CHD9: variants seen among roughly 807,000 people sequenced by gnomAD.
The protein encoded by CHD9 is ATP-dependent chromatin remodeler CHD9.
CHD9 carries 77 observed loss-of-function variants against 316.1 expected under a neutral mutation model. The observed-to-expected ratio is 0.24, with a 90% confidence interval of 0.20 to 0.29. The LOEUF is 0.29. CHD9 is among the 10% of genes least tolerant of loss of function. CHD9 has a pLI of 1.00. For synonymous variants in CHD9, 1,129 were observed against 1,158.3 expected, an observed-to-expected ratio of 0.97 and a Z score of 0.51; for missense variants, 2,763 against 3,438.1, an observed-to-expected ratio of 0.80 and a Z score of 4.91.
intron 1 of CHD9, among the ~76,000 whole-genome samples, chr16:53,143,358 T>TTTTATTTA (rs55793321): frequency 0.2 from 27,461 of 137,752 alleles, 2,994 homozygotes; most frequent in Admixed American, 0.28. Context: ...TTTTATCTTA[T>TTTTATTTA]TTTATTTATT....
At chr16:53,098,406 G>A (rs11645073) in intron 1 of CHD9, among the ~76,000 whole-genome samples, 42,057 of 150,532 alleles carry the variant, frequency 0.28, 7,311 homozygotes, top group Non-Finnish European at 0.39. Context: ...AACCCAGGAG[G>A]TGGAGGTTGC....
intron 1 of CHD9, among the ~76,000 whole-genome samples, chr16:53,120,536 C>G (rs888413793): frequency 1.3e-5 from 2 of 151,202 alleles, no homozygotes; most frequent in African/African-American, 4.9e-5. Context: ...TCGCTTGAAA[C>G]CGGGAGGCGG....
Position 53,301,805 on chromosome 16 carries a change from G to A in CHD9, c.5714-1915G>A, listed in dbSNP as rs534441121. Among the ~76,000 whole-genome samples, 37 of 131,398 alleles carry A rather than the reference G, an allele frequency of 2.8e-4. No individual in the cohort carries two copies. In the East Asian group the frequency reaches 7.4e-3, roughly 26 times the overall value. The allele number at this position is 131,398 out of a possible 152,430, so 86.2% of individuals were successfully genotyped here. A position where few individuals can be genotyped will look rare whatever the true frequency, so the allele number is the denominator to read the frequency against. ...TTTTGAGATGGAGTCTCGCTCTGTC[G>A]CCCAGGCTGGTATGCAGTGGCGTGA... On this transcript the variant is annotated intron_variant, in intron 30 of 38. Transcript: ENST00000447540.
intron 1 of CHD9, among the ~76,000 whole-genome samples, chr16:53,116,125 T>A (rs2038282054): frequency 6.6e-6 from 1 of 152,156 alleles, no homozygotes; most frequent in African/African-American, 2.4e-5. Flanking sequence ...AGTGGTGCGA[T>A]CTCACCTCAC....
At chr16:53,070,106 T>C (rs1342328303) in intron 1 of CHD9, among the ~76,000 whole-genome samples, 1 of 152,186 alleles carries the variant, frequency 6.6e-6, no homozygotes, top group Non-Finnish European at 1.5e-5. Context: ...CAGGCTGGGT[T>C]GTTTGTTTCT....
intron 1 of CHD9, among the ~76,000 whole-genome samples, chr16:53,098,863 A>G (rs1181098629): frequency 1.1e-4 from 16 of 152,240 alleles, no homozygotes; most frequent in Admixed American, 1.0e-3. Flanking sequence ...GCAGAAATCA[A>G]GAACCGTCGC....
intron 1 of CHD9, among the ~76,000 whole-genome samples, chr16:53,123,404 A>G (rs2152660052): frequency 6.6e-6 from 1 of 152,038 alleles, no homozygotes; most frequent in African/African-American, 2.4e-5. Context: ...CTTTCTGTCT[A>G]CTTTCTTACT....
chr16:53,115,918 G>T (rs548924926), intron 1 of CHD9, among the ~76,000 whole-genome samples: 3 of 152,178 alleles, frequency 2.0e-5, no homozygotes, highest in Non-Finnish European at 4.4e-5. Flanking sequence ...TGTACCTAGA[G>T]CCAGTGGTAA....
At chr16:53,060,515 T>C (rs2032743460) in intron 1 of CHD9, among the ~76,000 whole-genome samples, 1 of 151,920 alleles carries the variant, frequency 6.6e-6, no homozygotes, top group African/African-American at 2.4e-5. Flanking sequence ...TCCAGAACTT[T>C]GGGGGGCTGA....
In CHD9 at chr16:53,209,761, GAC is replaced by G. The variant is rs775012363; in HGVS notation, c.1734_1735del (p.Asp578GlufsTer9). ...GATGAAATCCAAGCCAAAGGACAAA[GAC>G]AGCAAAAAAACAAAAACATGTTCTA... ...RRMKSKPKDK[D>X]SKKTKTCSKL... On this transcript the variant is annotated frameshift_variant, in exon 3 of 39. Transcript: ENST00000447540. LOFTEE classifies it high-confidence loss of function. The G allele has an allele frequency of 6.2e-7, 1 of 1,607,814 alleles. No homozygotes were observed. The highest frequency in any genetic ancestry group is 8.5e-7 in the Non-Finnish European group (1 of 1,177,560).
chr16:53,246,426 G>A (rs993372553), intron 15 of CHD9, among the ~76,000 whole-genome samples: 2 of 152,122 alleles, frequency 1.3e-5, no homozygotes, highest in African/African-American at 2.4e-5. Context: ...TGGATTATCC[G>A]AAGGAAGTAT....
intron 1 of CHD9, among the ~76,000 whole-genome samples, chr16:53,093,096 T>C (rs891318740): frequency 1.3e-5 from 2 of 152,208 alleles, no homozygotes; most frequent in Non-Finnish European, 2.9e-5. Context: ...CACTTTAATA[T>C]TGGATTCTTG....
intron 2 of CHD9, among the ~76,000 whole-genome samples, chr16:53,160,899 T>A (rs1445340118): frequency 6.6e-6 from 1 of 152,070 alleles, no homozygotes; most frequent in African/African-American, 2.4e-5. Context: ...AGAGCAAGAC[T>A]CTGTCTCAAA....
chr16:53,295,418 C>T (rs565773378), intron 29 of CHD9, among the ~76,000 whole-genome samples: 1 of 152,320 alleles, frequency 6.6e-6, no homozygotes, highest in South Asian at 2.1e-4. Context: ...TGAGCCACTG[C>T]ACTCGGCCTC....
chr16:53,247,414 C>T lies in CHD9; in HGVS notation c.3576C>T (p.Pro1192=). Residue 1192 remains proline (P), a synonymous_variant, in exon 16 of 39, where the codon CCC becomes CCT. Transcript: ENST00000447540. The part of the protein sequence containing the change: ...GKLVLIDKLL[P]KMKAGGHKVL... ...TGGTCCTTATTGATAAATTGCTTCC[C>T]AAAATGAAAGCCGGAGGTCATAAAG... 1.2e-6 allele frequency: 2 copies of T among 1,608,636 alleles called. No individual in the cohort carries two copies. The highest frequency in any genetic ancestry group is 1.7e-6 in the Non-Finnish European group (2 of 1,177,188).
chr16:53,188,783 T>C (rs2044249274), intron 2 of CHD9, among the ~76,000 whole-genome samples: 1 of 151,506 alleles, frequency 6.6e-6, no homozygotes, highest in African/African-American at 2.4e-5. Flanking sequence ...TTTAGTTTCA[T>C]CTTGTTGGCA....
At chr16:53,269,157 A>T (rs1448369780) in intron 22 of CHD9, among the ~76,000 whole-genome samples, 1 of 152,184 alleles carries the variant, frequency 6.6e-6, no homozygotes, top group African/African-American at 2.4e-5. Flanking sequence ...ATGCCAATTT[A>T]CAATCCTCTC....
At chr16:53,224,587 T>C (rs919400955) in intron 4 of CHD9, among the ~76,000 whole-genome samples, 1 of 152,204 alleles carries the variant, frequency 6.6e-6, no homozygotes, top group Non-Finnish European at 1.5e-5. Context: ...AAAAACTCAG[T>C]GAGTTATCTC....
intron 1 of CHD9, among the ~76,000 whole-genome samples, chr16:53,103,173 A>C (rs2037045272): frequency 6.8e-6 from 1 of 146,528 alleles, no homozygotes; most frequent in South Asian, 2.2e-4. Flanking sequence ...AAAAAAAAAA[A>C]AAGGTAGATT....
Sources: gnomAD v4.1 joint callset for allele counts (sites outside exome capture counted in the v4.1 genomes callset) on GRCh38, gnomAD v4.1.1 for gene constraint, MANE v1.5 for transcripts, NCBI Gene and HGNC (gene_info 2026-07-23, HGNC 2026-07-21) for gene names.